TSHR: variants seen among roughly 807,000 people sequenced by gnomAD.
TSHR encodes thyrotropin receptor.
Under a neutral mutation model 64.1 loss-of-function variants are expected in TSHR, and 51 were observed. That is an observed-to-expected ratio of 0.80 (90% CI 0.64 to 1.01). TSHR has a LOEUF of 1.01. TSHR is among the 50% of genes least tolerant of loss of function. The probability of loss-of-function intolerance (pLI) is 0.00; values close to 1 mark genes in which losing one functional copy is unlikely to be tolerated. For missense variants in TSHR, 877 were observed against 942.8 expected, an observed-to-expected ratio of 0.93 and a Z score of 0.91; for synonymous variants, 361 against 361.9, an observed-to-expected ratio of 1.00 and a Z score of 0.03.
At chr14:80,982,159 T>G in intron 1 of TSHR, 1 of 578,816 alleles carries the variant, frequency 1.7e-6, no homozygotes, top group Non-Finnish European at 3.2e-6. Context: ...GTGGCAGAGA[T>G]GAAGGCAGTG....
chr14:80,982,554 T>A, intron 1 of TSHR: 1 of 1,018,832 alleles, frequency 9.8e-7, no homozygotes, highest in Non-Finnish European at 1.4e-6. Flanking sequence ...TTGACCCTAA[T>A]CCTCAATCTG....
At chr14:80,968,666 C>A (rs111514703) in intron 1 of TSHR, among the ~76,000 whole-genome samples, 158 of 152,276 alleles carry the variant, frequency 1.0e-3, no homozygotes, top group African/African-American at 3.4e-3. Flanking sequence ...TTGCCTTGTT[C>A]TTGTCATATA....
intron 1 of TSHR, among the ~76,000 whole-genome samples, chr14:81,044,530 T>A (rs1885075027): frequency 6.6e-6 from 1 of 151,976 alleles, no homozygotes; most frequent in Non-Finnish European, 1.5e-5. Flanking sequence ...TGGTGGCATG[T>A]GCCTGCAGTC....
chr14:80,989,713 T>A (rs377173256), intron 1 of TSHR, among the ~76,000 whole-genome samples: 36 of 152,160 alleles, frequency 2.4e-4, no homozygotes, highest in African/African-American at 7.2e-4. Context: ...TCACTTCTAT[T>A]CGACTAAATT....
At position 81,036,661 on chromosome 14, in the gene TSHR, C is replaced by A. The variant is rs111302322; in HGVS notation, c.171-25487C>A. Among the ~76,000 whole-genome samples the A allele has an allele frequency of 5.6e-3, 857 of 152,172 alleles. 10 individuals are homozygous for A. Among genetic ancestry groups the A allele is most frequent in the Middle Eastern group, 0.031 (9 of 294 alleles). On this transcript the variant is annotated intron_variant, in intron 1 of 9. Coordinates refer to ENST00000298171, the MANE Select transcript of TSHR (RefSeq NM_000369.5). ...TAGTATGAAAAAAAGAAAGTATAATCTCATTGGTAGGAGTAAATTTATTAT... is the reference window on the plus strand; with the variant it reads ...TAGTATGAAAAAAAGAAAGTATAATATCATTGGTAGGAGTAAATTTATTAT...
chr14:80,979,951 G>C (rs79832615), intron 1 of TSHR, among the ~76,000 whole-genome samples: 1 of 152,120 alleles, frequency 6.6e-6, no homozygotes, highest in Non-Finnish European at 1.5e-5. Flanking sequence ...AGTAAAATAC[G>C]CTATTGGCTT....
In TSHR at chr14:81,105,141, A is replaced by G. The variant is rs995560069; in HGVS notation, c.615-3234A>G. ...GAGTAGGTTAACCAGATAGCCTACC[A>G]AGATTTGTGACTGATTTATCCAAGC... On this transcript the variant is annotated intron_variant, in intron 7 of 9. Coordinates refer to ENST00000298171, the MANE Select transcript of TSHR (RefSeq NM_000369.5). 3.0e-6 allele frequency: 3 copies of G among 985,296 alleles called. No individual in the cohort carries two copies. The African/African-American group carries it at 5.2e-5, about 17-fold the overall frequency. 61.0% of individuals were successfully genotyped at this position (985,296 alleles called of 1,614,324 possible). A position where few individuals can be genotyped will look rare whatever the true frequency, so the allele number is the denominator to read the frequency against.
At chr14:81,098,339 A>G (rs1350557162) in intron 7 of TSHR, among the ~76,000 whole-genome samples, 1 of 152,196 alleles carries the variant, frequency 6.6e-6, no homozygotes, top group African/African-American at 2.4e-5. Flanking sequence ...GGTTTATCCC[A>G]TTGTTTTTTA....
At chr14:81,049,588 GT>G (rs3216587) in intron 1 of TSHR, 19,909 of 152,106 alleles carry the variant, frequency 0.13, 1,585 homozygotes, top group Non-Finnish European at 0.18. Flanking sequence ...ATACATTTAA[GT>G]TTTTTTCTTT....
chr14:81,063,873 C>T (rs1394788031), intron 2 of TSHR, among the ~76,000 whole-genome samples: 1 of 151,890 alleles, frequency 6.6e-6, no homozygotes, highest in Non-Finnish European at 1.5e-5. Flanking sequence ...AAAAAAATAG[C>T]ACCTGACCTG....
intron 8 of TSHR, among the ~76,000 whole-genome samples, chr14:81,133,244 C>CA (rs1707096330): frequency 6.6e-6 from 1 of 152,134 alleles, no homozygotes; most frequent in Non-Finnish European, 1.5e-5. Flanking sequence ...TTTATACATC[C>CA]ACAAGAATTT....
At chr14:80,995,378 G>A (rs1051013550) in intron 1 of TSHR, 15 of 152,052 alleles carry the variant, frequency 9.9e-5, no homozygotes, top group African/African-American at 3.4e-4. Context: ...AGACACATGT[G>A]TATGTTTATT....
At chr14:80,961,454 T>C (rs1887023075) in intron 1 of TSHR, among the ~76,000 whole-genome samples, 1 of 152,178 alleles carries the variant, frequency 6.6e-6, no homozygotes, top group South Asian at 2.1e-4. Context: ...AGGAGTTGAG[T>C]GTAAGAAGTT....
intron 1 of TSHR, chr14:81,033,366 C>T: frequency 3.8e-6 from 1 of 266,114 alleles, no homozygotes; most frequent in Non-Finnish European, 7.6e-6. Context: ...ATGACAGGGG[C>T]CATCCTGGCC....
intron 8 of TSHR, among the ~76,000 whole-genome samples, chr14:81,132,596 C>T (rs188969790): frequency 3.3e-5 from 5 of 152,292 alleles, no homozygotes; most frequent in Admixed American, 1.3e-4. Flanking sequence ...ATTATTCCCA[C>T]GACCTAGGCA....
chr14:80,982,076 T>A, intron 1 of TSHR: 1 of 504,076 alleles, frequency 2.0e-6, no homozygotes, highest in Non-Finnish European at 3.7e-6. Context: ...AGAGGGAGGC[T>A]ACGGGTGTGG....
chr14:80,999,697 C>T (rs997344781), intron 1 of TSHR, among the ~76,000 whole-genome samples: 26 of 152,090 alleles, frequency 1.7e-4, no homozygotes, highest in Non-Finnish European at 3.4e-4. Context: ...CCAATGAAGT[C>T]ATATTGACTC....
At chr14:80,978,917 A>G (rs1888029414) in intron 1 of TSHR, among the ~76,000 whole-genome samples, 1 of 152,200 alleles carries the variant, frequency 6.6e-6, no homozygotes, top group Non-Finnish European at 1.5e-5. Flanking sequence ...TCCCATTCAT[A>G]CATCTAATGA....
chr14:80,991,861 T>A (rs1344135092), intron 1 of TSHR: 3 of 331,230 alleles, frequency 9.1e-6, no homozygotes, highest in Non-Finnish European at 1.6e-5. Flanking sequence ...GTCATACATA[T>A]CTGAGGGCAC....
Sources: allele counts gnomAD v4.1 joint callset (sites outside exome capture counted in the v4.1 genomes callset), GRCh38; gene constraint gnomAD v4.1.1; transcripts MANE v1.5; gene names NCBI Gene and HGNC (gene_info 2026-07-23, HGNC 2026-07-21).